Variants in APBB2 observed in about 807,000 individuals in gnomAD.
The protein encoded by APBB2 is Fe65-like 1.
APBB2 carries 38 observed loss-of-function variants against 82.5 expected under a neutral mutation model. The ratio of observed to expected loss-of-function variants is 0.46; its 90% confidence interval spans 0.36 to 0.60. The LOEUF (loss-of-function observed/expected upper bound fraction) is 0.60, where lower values mean the gene tolerates loss of function less well. Among genes scored for constraint, APBB2 ranks in the 20% least tolerant of loss-of-function variants. APBB2 has a pLI of 0.00. For missense variants in APBB2, 772 were observed against 972.3 expected (o/e 0.79, Z 2.74); for synonymous variants, 341 against 368.2 (o/e 0.93, Z 0.85).
intron 6 of APBB2, among the ~76,000 whole-genome samples, chr4:40,991,127 TG>T (rs1181765264): frequency 6.7e-6 from 1 of 149,990 alleles, no homozygotes; most frequent in Non-Finnish European, 1.5e-5. Flanking sequence ...GAACTACAGA[TG>T]TGTGCCACTA....
chr4:41,049,613 A>T (rs879022962), intron 4 of APBB2, among the ~76,000 whole-genome samples: 2 of 151,542 alleles, frequency 1.3e-5, no homozygotes, highest in African/African-American at 4.8e-5. Flanking sequence ...CTGCCCGGCC[A>T]CCACCCCGTC....
Position 40,890,719 on chromosome 4 carries a change from C to T in APBB2, c.1402-228G>A, listed in dbSNP as rs527339903. On this transcript the variant is annotated intron_variant, in intron 11 of 17. Coordinates refer to ENST00000508593, the MANE Select transcript of APBB2 (RefSeq NM_004307.2). ...TCTCCGAGTCCTCTGAAATGTGTCC[C>T]CATCCTGCTTTCCAGGCTGCTCTTA... 5.5e-4 allele frequency: 249 copies of T among 452,406 alleles called. 1 individual carries two copies. Among genetic ancestry groups the T allele is most frequent in the African/African-American group, 4.7e-3 (233 of 49,376 alleles). 28.0% of individuals were successfully genotyped at this position (452,406 alleles called of 1,614,324 possible).
intron 3 of APBB2, among the ~76,000 whole-genome samples, chr4:41,081,339 C>A (rs1737545497): frequency 6.6e-6 from 1 of 151,938 alleles, no homozygotes; most frequent in African/African-American, 2.4e-5. Flanking sequence ...CACAGCTCTG[C>A]AAAGAACATG....
At chr4:41,145,162 T>C (rs2154023501) in intron 1 of APBB2, among the ~76,000 whole-genome samples, 1 of 152,250 alleles carries the variant, frequency 6.6e-6, no homozygotes, top group South Asian at 2.1e-4. Flanking sequence ...TGCCTCCTGG[T>C]GTTACCTACT....
intron 10 of APBB2, among the ~76,000 whole-genome samples, chr4:40,900,401 T>C (rs566317123): frequency 6.6e-6 from 1 of 150,868 alleles, no homozygotes; most frequent in South Asian, 2.1e-4. Flanking sequence ...GCACGGACCA[T>C]GAATGAAGGA....
intron 6 of APBB2, among the ~76,000 whole-genome samples, chr4:40,989,503 A>G (rs971026181): frequency 6.6e-6 from 1 of 150,932 alleles, no homozygotes; most frequent in Non-Finnish European, 1.5e-5. Flanking sequence ...AGAGTTTTTA[A>G]TTTCCCTTGA....
At position 41,061,852 on chromosome 4, in the gene APBB2, C is replaced by T. The variant is rs376189073; in HGVS notation, c.-51+3724G>A. ...AAAGAAAATTAAAACTCCAGTCTGA[C>T]ATACAAGCCTCAAAAACAATGTAGA... On this transcript the variant is annotated intron_variant, in intron 4 of 17. Coordinates refer to ENST00000508593, the MANE Select transcript of APBB2 (RefSeq NM_004307.2). Among the ~76,000 whole-genome samples, 6 of 152,354 alleles carry T rather than the reference C, an allele frequency of 3.9e-5. No homozygotes were observed. The South Asian group carries it at 1.0e-3, about 26-fold the overall frequency.
intron 12 of APBB2, among the ~76,000 whole-genome samples, chr4:40,853,255 C>T (rs926116285): frequency 1.3e-5 from 2 of 152,114 alleles, no homozygotes; most frequent in African/African-American, 4.8e-5. Flanking sequence ...ATATCTATTC[C>T]CTGAGATCTT....
chr4:40,990,274 TTC>T (rs1801643315), intron 6 of APBB2: 1 of 142,452 alleles, frequency 7.0e-6, no homozygotes, highest in African/African-American at 2.6e-5. Flanking sequence ...GCTATAGGCT[TTC>T]TCTCTTTCTT....
At chr4:41,056,184 A>T (rs779047554) in intron 4 of APBB2, among the ~76,000 whole-genome samples, 108 of 152,214 alleles carry the variant, frequency 7.1e-4, no homozygotes, top group Admixed American at 2.0e-3. Context: ...CCATCTCAAA[A>T]AAATAAATAA....
rs1219387582 is a variant in APBB2, at chr4:40,825,924, C to CA, written c.1778dup (p.Gln594AlafsTer42). On this transcript the variant is annotated frameshift_variant, in exon 15 of 18. Coordinates refer to ENST00000508593, the MANE Select transcript of APBB2 (RefSeq NM_004307.2). LOFTEE classifies it high-confidence loss of function. ...CTACAGGTAACATGCCCAAGTACTG[C>CA]ACGTGGAACTTCTGGACCAGCTCAG... 1.2e-6 allele frequency: 2 copies of CA among 1,614,168 alleles called. No individual in the cohort carries two copies. The highest frequency in any genetic ancestry group is 1.7e-6 in the Non-Finnish European group (2 of 1,180,010).
chr4:41,019,716 G>C (rs941792280), intron 5 of APBB2, among the ~76,000 whole-genome samples: 1 of 152,170 alleles, frequency 6.6e-6, no homozygotes, highest in Admixed American at 6.5e-5. Context: ...GAAAAGGCCA[G>C]AGGTCAGAGG....
intron 1 of APBB2, among the ~76,000 whole-genome samples, chr4:41,146,055 G>T (rs576505902): frequency 6.6e-6 from 1 of 152,040 alleles, no homozygotes; most frequent in African/African-American, 2.4e-5. Flanking sequence ...ATCCAACATG[G>T]TGACTCATGC....
intron 3 of APBB2, among the ~76,000 whole-genome samples, chr4:41,095,562 T>C (rs189584772): frequency 6.6e-6 from 1 of 152,202 alleles, no homozygotes; most frequent in Non-Finnish European, 1.5e-5. Context: ...TAATCATACC[T>C]ATTACTTTTA....
intron 3 of APBB2, among the ~76,000 whole-genome samples, chr4:41,069,841 T>C (rs1186377631): frequency 6.6e-6 from 1 of 152,228 alleles, no homozygotes; most frequent in Non-Finnish European, 1.5e-5. Context: ...ATTTATACTT[T>C]TCACAGAAGA....
chr4:40,991,554 A>C (rs1802101443), intron 6 of APBB2, among the ~76,000 whole-genome samples: 1 of 152,076 alleles, frequency 6.6e-6, no homozygotes, highest in South Asian at 2.1e-4. Flanking sequence ...AAAAACCTAT[A>C]GTGTTCTAAC....
intron 6 of APBB2, among the ~76,000 whole-genome samples, chr4:40,982,245 A>AGAAG: frequency 8.4e-5 from 1 of 11,952 alleles, no homozygotes; most frequent in Non-Finnish European, 2.0e-4. Context: ...AAAGAAAGAA[A>AGAAG]GAAAGAAAGA....
chr4:41,167,332 T>A (rs1372829104), intron 1 of APBB2, among the ~76,000 whole-genome samples: 1 of 151,976 alleles, frequency 6.6e-6, no homozygotes, highest in African/African-American at 2.4e-5. Flanking sequence ...TCCCTCGAGG[T>A]CTGAAATGGA....
chr4:40,915,250 C>T (rs1451374658), intron 10 of APBB2, among the ~76,000 whole-genome samples: 2 of 152,138 alleles, frequency 1.3e-5, no homozygotes, highest in African/African-American at 2.4e-5. Context: ...TTCTGGGAAG[C>T]CTCCCTGATT....
Sources: gnomAD v4.1 joint callset for allele counts (sites outside exome capture counted in the v4.1 genomes callset) on GRCh38, gnomAD v4.1.1 for gene constraint, MANE v1.5 for transcripts, NCBI Gene and HGNC (gene_info 2026-07-23, HGNC 2026-07-21) for gene names.